The following LARP4B variants were observed in gnomAD, a reference collection of about 807,000 sequenced individuals.
LARP4B encodes la-related protein 4B.
A neutral mutation model predicts 89.8 loss-of-function variants in LARP4B; 12 were observed. The observed-to-expected ratio is 0.13, with a 90% CI of 0.09 to 0.22. The LOEUF (loss-of-function observed/expected upper bound fraction) is 0.22. Among genes scored for constraint, LARP4B ranks in the 10% least tolerant of loss-of-function variants. The pLI, the probability that LARP4B is intolerant of heterozygous loss-of-function variation, is 1.00. For missense variants in LARP4B, 757 were observed against 947.7 expected, an observed-to-expected ratio of 0.80 and a Z score of 2.64; for synonymous variants, 367 against 363.3, an observed-to-expected ratio of 1.01 and a Z score of -0.12.
chr10:915,627 A>G (rs1014038646), intron 1 of LARP4B, among the ~76,000 whole-genome samples: 6 of 151,996 alleles, frequency 3.9e-5, no homozygotes, highest in African/African-American at 1.5e-4. Context: ...ACACGGTGAA[A>G]CCCCATCTCT....
At chr10:874,089 C>T (rs554034881) in intron 3 of LARP4B, among the ~76,000 whole-genome samples, 2 of 152,200 alleles carry the variant, frequency 1.3e-5, no homozygotes, top group Admixed American at 1.3e-4. Context: ...AAAAAATTAG[C>T]TGAGCATGGG....
chr10:860,839 G>A (rs367891311), intron 5 of LARP4B, among the ~76,000 whole-genome samples: 5 of 151,826 alleles, frequency 3.3e-5, no homozygotes, highest in African/African-American at 7.3e-5. Context: ...TCTACGAAAC[G>A]CAAACTGACA....
intron 3 of LARP4B, among the ~76,000 whole-genome samples, chr10:870,580 A>C (rs1835150990): frequency 6.6e-6 from 1 of 152,228 alleles, no homozygotes; most frequent in African/African-American, 2.4e-5. Context: ...CACCATTTAA[A>C]GTCGACTGTG....
chr10:897,714 GCA>G (rs1455537344), intron 1 of LARP4B, among the ~76,000 whole-genome samples: 2 of 151,954 alleles, frequency 1.3e-5, no homozygotes, highest in African/African-American at 4.8e-5. Context: ...AGAGCCCAGC[GCA>G]GTGGCTCACA....
chr10:864,035 GAAC>G lies in LARP4B; in HGVS notation c.289+85_289+87del, dbSNP rs1834763995. On this transcript the variant is annotated intron_variant, in intron 4 of 17. Coordinates refer to ENST00000316157, the MANE Select transcript of LARP4B (RefSeq NM_015155.3). Reference sequence around the variant, plus strand: ...CACATACCATGACACAGTTATGAATGAACAACATCTTAAAGACAGATTAAAATG... The same window carrying G: ...CACATACCATGACACAGTTATGAATGAACATCTTAAAGACAGATTAAAATG... The G allele has an allele frequency of 2.5e-6, 4 of 1,576,924 alleles. 1 individual carries two copies. The highest frequency in any genetic ancestry group is 2.7e-5 in the African/African-American group (2 of 74,056).
chr10:843,257 GGAGAGGCAGGGAGT>G (rs1438611875), intron 6 of LARP4B, among the ~76,000 whole-genome samples, 189 bp from the exon 7 acceptor site: 1 of 152,200 alleles, frequency 6.6e-6, no homozygotes, highest in East Asian at 1.9e-4. Context: ...TCTCGGCCTT[GGAGAGGCAGGGAGT>G]GCAAAAGTAA....
intron 5 of LARP4B, among the ~76,000 whole-genome samples, chr10:858,996 A>T (rs1447238287): frequency 1.3e-5 from 2 of 152,170 alleles, no homozygotes; most frequent in Non-Finnish European, 2.9e-5. Flanking sequence ...TACAAAAAAT[A>T]CAAAAGTTAG....
At chr10:863,136 C>A (rs1365151119) in intron 5 of LARP4B, among the ~76,000 whole-genome samples, 1 of 152,198 alleles carries the variant, frequency 6.6e-6, no homozygotes, top group Non-Finnish European at 1.5e-5. Context: ...CTATCCCCCT[C>A]CCTTTACCCA....
At chr10:906,003 A>G (rs1292718251) in intron 1 of LARP4B, among the ~76,000 whole-genome samples, 2 of 152,250 alleles carry the variant, frequency 1.3e-5, no homozygotes, top group East Asian at 3.8e-4. Context: ...TGTGCAATCA[A>G]AAGAAATAGT....
the LARP4B span, among the ~76,000 whole-genome samples, chr10:981,577 G>A: frequency 2.6e-5 from 4 of 151,574 alleles, no homozygotes; most frequent in Admixed American, 6.6e-5. Flanking sequence ...TTTTTGTTTC[G>A]TTTTGTTTTT....
At chr10:866,188 A>G (rs972592114) in intron 3 of LARP4B, among the ~76,000 whole-genome samples, 3 of 152,168 alleles carry the variant, frequency 2.0e-5, no homozygotes, top group Non-Finnish European at 4.4e-5. Flanking sequence ...ATGAGTATCT[A>G]TCTGGAATTC....
chr10:837,561 G>C (rs948883077), intron 7 of LARP4B, among the ~76,000 whole-genome samples: 1 of 152,140 alleles, frequency 6.6e-6, no homozygotes, highest in Non-Finnish European at 1.5e-5. Context: ...TCACTATAAC[G>C]TTACAGTGAT....
chr10:846,723 G>A (rs555070659), intron 5 of LARP4B, among the ~76,000 whole-genome samples: 5 of 152,218 alleles, frequency 3.3e-5, no homozygotes, highest in African/African-American at 4.8e-5. Flanking sequence ...GGCACCAGCC[G>A]GAAGATAATG....
intron 7 of LARP4B, among the ~76,000 whole-genome samples, chr10:837,124 C>G (rs907801938): frequency 6.6e-6 from 1 of 152,148 alleles, no homozygotes; most frequent in African/African-American, 2.4e-5. Flanking sequence ...AAAAAGATAA[C>G]AACGGAATAT....
chr10:963,798 A>C, the LARP4B span, among the ~76,000 whole-genome samples: 2 of 152,214 alleles, frequency 1.3e-5, no homozygotes, highest in Admixed American at 6.5e-5. Context: ...GGAAGGTGTC[A>C]GTCACACGGC....
the LARP4B span, among the ~76,000 whole-genome samples, chr10:980,946 A>G: frequency 3.9e-5 from 6 of 152,226 alleles, no homozygotes; most frequent in African/African-American, 1.2e-4. Flanking sequence ...GTTTAAATGT[A>G]AGTTCCAACA....
chr10:878,233 T>C (rs750544810), intron 3 of LARP4B, among the ~76,000 whole-genome samples: 2 of 152,184 alleles, frequency 1.3e-5, no homozygotes, highest in East Asian at 1.9e-4. Context: ...AACTGTGATG[T>C]TGAGCACAGG....
At chr10:909,980 T>TGCA (rs1435842747) in intron 1 of LARP4B, among the ~76,000 whole-genome samples, 1 of 152,146 alleles carries the variant, frequency 6.6e-6, no homozygotes, top group Non-Finnish European at 1.5e-5. Flanking sequence ...AACAGCTTAG[T>TGCA]GCAGTTGAGC....
the LARP4B span, among the ~76,000 whole-genome samples, chr10:974,087 G>A: frequency 5.3e-5 from 8 of 152,178 alleles, no homozygotes; most frequent in African/African-American, 1.9e-4. Context: ...AGAACCTGGG[G>A]AGTGAGCCTG....
Sources: allele counts gnomAD v4.1 joint callset (sites outside exome capture counted in the v4.1 genomes callset), GRCh38; gene constraint gnomAD v4.1.1; transcripts MANE v1.5; gene names NCBI Gene and HGNC (gene_info 2026-07-23, HGNC 2026-07-21).